CELF5: variants seen among roughly 807,000 people sequenced by gnomAD.
CELF5 encodes CUG-BP and ETR-3 like factor 5.
A neutral mutation model predicts 54.9 loss-of-function variants in CELF5; 6 were observed. The observed-to-expected ratio is 0.11, with a 90% confidence interval of 0.06 to 0.22. The LOEUF is 0.22. Among genes scored for constraint, CELF5 ranks in the 10% least tolerant of loss-of-function variants. CELF5 has a pLI of 1.00. For synonymous variants in CELF5, 271 were observed against 290.9 expected (o/e 0.93, Z 0.70); for missense variants, 401 against 678.6 (o/e 0.59, Z 4.54).
chr19:3,264,345 T>TG (rs375769234), intron 2 of CELF5, among the ~76,000 whole-genome samples: 1 of 149,236 alleles, frequency 6.7e-6, no homozygotes, highest in East Asian at 2.0e-4. Context: ...CTAACATAAA[T>TG]GGGATAATAG....
intron 2 of CELF5, 59 bp from the exon 3 acceptor site, chr19:3,273,813 C>G: frequency 3.3e-6 from 4 of 1,220,878 alleles, no homozygotes; most frequent in Non-Finnish European, 4.8e-6. Flanking sequence ...AGGCAAAACC[C>G]CCCGCCTGCC....
chr19:3,228,652 G>C lies in CELF5; in HGVS notation c.259+3654G>C, dbSNP rs908021518. Among the ~76,000 whole-genome samples, 1 of 151,474 alleles carries C rather than the reference G, an allele frequency of 6.6e-6. No homozygotes were observed. The highest frequency in any genetic ancestry group is 1.9e-4 in the East Asian group (1 of 5,132). ...CCGGCGGGGGCCCGGGTGGGGGCCC[G>C]CGGTTTCCATGGGAGCACCAGCTGC... On this transcript the variant is annotated intron_variant, in intron 1 of 12. Coordinates refer to ENST00000292672, the MANE Select transcript of CELF5 (RefSeq NM_021938.4). The surrounding 1 kb of genome is among the most constrained non-coding windows in gnomAD (Gnocchi z 6.0).
At chr19:3,250,875 C>CGGTGGT in intron 1 of CELF5, 110 bp from the exon 2 acceptor site, 1 of 558,910 alleles carries the variant, frequency 1.8e-6, no homozygotes, top group East Asian at 3.0e-5. Flanking sequence ...ATCTATGCAT[C>CGGTGGT]TGTGGATGGA....
chr19:3,265,003 T>G (rs939810933), intron 2 of CELF5, among the ~76,000 whole-genome samples: 2 of 152,086 alleles, frequency 1.3e-5, no homozygotes, highest in South Asian at 4.1e-4. Flanking sequence ...CACGAGCCAC[T>G]GGGCCTGGCC....
At chr19:3,242,835 G>T (rs1434216160) in intron 1 of CELF5, among the ~76,000 whole-genome samples, 2 of 152,008 alleles carry the variant, frequency 1.3e-5, no homozygotes, top group Non-Finnish European at 2.9e-5. Context: ...TTGGTGGCAG[G>T]TACCTGTAAT....
intron 2 of CELF5, among the ~76,000 whole-genome samples, chr19:3,263,571 G>GAAAT (rs111273612): frequency 6.7e-6 from 1 of 148,778 alleles, no homozygotes; most frequent in African/African-American, 2.5e-5. Flanking sequence ...TAGAAACAAA[G>GAAAT]AAACAAACAA....
In CELF5 at chr19:3,282,226, G is replaced by C; in HGVS notation, c.851G>C (p.Ser284Thr). 6 of 1,613,440 alleles carry C rather than the reference G, an allele frequency of 3.7e-6. No homozygotes were observed. The highest frequency in any genetic ancestry group is 5.1e-6 in the Non-Finnish European group (6 of 1,180,046). The change falls in exon 7 of 13, where the codon AGC becomes ACC. Residue 284 changes from serine (S) to threonine (T), a missense_variant. Ser to Thr is a moderately conservative substitution (Grantham distance 58). Transcript: ENST00000292672. This position sits in a 1 kb window ranked among gnomAD's most constrained non-coding sequence, Gnocchi z 5.2. ...CACATCCAGCAGATAGGCGCCGTCA[G>C]CCTCAACGGGCTGCCTGCCACACCC... is the stretch of plus-strand genomic sequence containing the variant. Reference protein sequence around the residue: ...PCHIQQIGAVSLNGLPATPIA... With the variant: ...PCHIQQIGAVTLNGLPATPIA...
chr19:3,243,273 G>A (rs1453949978), intron 1 of CELF5, among the ~76,000 whole-genome samples: 2 of 151,412 alleles, frequency 1.3e-5, no homozygotes. Context: ...AATATCAATG[G>A]AGTTTTTTTG....
chr19:3,256,064 C>CAGAAAAAAAAA (rs372488135), intron 2 of CELF5, among the ~76,000 whole-genome samples: 21 of 139,602 alleles, frequency 1.5e-4, no homozygotes, highest in East Asian at 7.3e-4. Flanking sequence ...GACCCTGTCT[C>CAGAAAAAAAAA]AAAAAAAAAG....
intron 10 of CELF5, among the ~76,000 whole-genome samples, chr19:3,288,269 C>T (rs1271263172): frequency 1.3e-5 from 2 of 152,126 alleles, no homozygotes; most frequent in African/African-American, 4.8e-5. Flanking sequence ...CACCTGTAAT[C>T]CCAGCACTTT....
At chr19:3,256,155 T>C (rs1166559646) in intron 2 of CELF5, among the ~76,000 whole-genome samples, 1 of 152,018 alleles carries the variant, frequency 6.6e-6, no homozygotes, top group Non-Finnish European at 1.5e-5. Context: ...TTTCTAAAAA[T>C]TTCTCACTCC....
At chr19:3,241,921 C>T (rs929359295) in intron 1 of CELF5, among the ~76,000 whole-genome samples, 17 of 152,158 alleles carry the variant, frequency 1.1e-4, no homozygotes, top group African/African-American at 3.1e-4. Context: ...ACCAGAGGCG[C>T]GCGCCGCCAC....
chr19:3,250,875 CTGTGGATGG>C, intron 1 of CELF5, 101 bp from the exon 2 acceptor site: 1 of 558,914 alleles, frequency 1.8e-6, no homozygotes, highest in South Asian at 2.9e-5. Context: ...ATCTATGCAT[CTGTGGATGG>C]AAGCTTGGGT....
intron 1 of CELF5, among the ~76,000 whole-genome samples, chr19:3,226,440 T>TCAAACACACACACACA (rs1916916938): frequency 8.4e-6 from 1 of 118,876 alleles, no homozygotes; most frequent in Admixed American, 8.3e-5. Flanking sequence ...AAACCAACCA[T>TCAAACACACACACACA]CACACACACA....
chr19:3,228,063 G>A lies in CELF5; in HGVS notation c.259+3065G>A, dbSNP rs1917024964. Among the ~76,000 whole-genome samples, 1 of 152,088 alleles carries A rather than the reference G, an allele frequency of 6.6e-6. No individual in the cohort carries two copies. The highest frequency in any genetic ancestry group is 2.1e-4 in the South Asian group (1 of 4,820). On this transcript the variant is annotated intron_variant, in intron 1 of 12. Coordinates refer to ENST00000292672, the MANE Select transcript of CELF5 (RefSeq NM_021938.4). The surrounding 1 kb of genome is among the most constrained non-coding windows in gnomAD (Gnocchi z 6.0). ...AGGGGGAGAGGGATGCGTCGAGGTGGTCTTCCGAAAGAGGGCAGGCCCTGG... is the reference window on the plus strand; with the variant it reads ...AGGGGGAGAGGGATGCGTCGAGGTGATCTTCCGAAAGAGGGCAGGCCCTGG...
chr19:3,228,352 G>A lies in CELF5; in HGVS notation c.259+3354G>A, dbSNP rs1470967013. On this transcript the variant is annotated intron_variant, in intron 1 of 12. Transcript: ENST00000292672. This position sits in a 1 kb window ranked among gnomAD's most constrained non-coding sequence, Gnocchi z 6.0. ...CCAGGGGCTCAGGCCAAGAACTGGA[G>A]GCTGGGATTGGGGCTCCCGCTGGCC... 6.6e-6 allele frequency among the ~76,000 whole-genome samples: 1 copy of A among 152,194 alleles called. No individual in the cohort carries two copies. The highest frequency in any genetic ancestry group is 1.9e-4 in the East Asian group (1 of 5,180).
chr19:3,288,537 A>G lies in CELF5; in HGVS notation c.1187-1694A>G, dbSNP rs543348177. ...AACTCCATCTCAAAACAAACAAACA[A>G]ACAAACAAAACAAAAGAAAACAAGC... On this transcript the variant is annotated intron_variant, in intron 10 of 12. Transcript: ENST00000292672. 3.3e-5 allele frequency among the ~76,000 whole-genome samples: 5 copies of G among 151,130 alleles called. No individual in the cohort carries two copies. The South Asian group carries it at 1.1e-3, about 32-fold the overall frequency.
chr19:3,266,945 C>T (rs967880097), intron 2 of CELF5, among the ~76,000 whole-genome samples: 13 of 152,176 alleles, frequency 8.5e-5, no homozygotes, highest in Non-Finnish European at 2.9e-5. Context: ...AGGCGGCTCA[C>T]GTGCCTGCAC....
chr19:3,239,842 G>T (rs575014543), intron 1 of CELF5, among the ~76,000 whole-genome samples: 1 of 151,508 alleles, frequency 6.6e-6, no homozygotes, highest in Admixed American at 6.6e-5. Context: ...TCCCTTCTTC[G>T]TGCTGGCCCC....
Sources: allele counts gnomAD v4.1 joint callset (sites outside exome capture counted in the v4.1 genomes callset), GRCh38; gene constraint gnomAD v4.1.1; non-coding constraint Gnocchi (gnomAD v3.1); transcripts MANE v1.5; gene names NCBI Gene and HGNC (gene_info 2026-07-23, HGNC 2026-07-21).